The following POLN variants were observed in gnomAD, a reference collection of about 807,000 sequenced individuals.
POLN encodes the protein DNA polymerase nu.
A neutral mutation model predicts 113.5 loss-of-function variants in POLN; 108 were observed. The ratio of observed to expected loss-of-function variants is 0.95; its 90% CI spans 0.81 to 1.12. The LOEUF (loss-of-function observed/expected upper bound fraction) is 1.12, where lower values mean the gene tolerates loss of function less well. Ranked by LOEUF, POLN falls within the 50% of genes most tolerant of loss-of-function variation. The pLI is 0.00. For missense variants in POLN, 1,097 were observed against 1,077.1 expected, an observed-to-expected ratio of 1.02 and a Z score of -0.26; for synonymous variants, 386 against 391.5, an observed-to-expected ratio of 0.99 and a Z score of 0.17.
intron 16 of POLN, among the ~76,000 whole-genome samples, chr4:2,135,525 T>G (rs907376006): frequency 2.6e-5 from 4 of 152,144 alleles, no homozygotes; most frequent in African/African-American, 9.7e-5. Flanking sequence ...TCAGACAGAG[T>G]GCCGTCCCTA....
In POLN at chr4:2,190,491, C is replaced by A. The variant is rs1203383093; in HGVS notation, c.1021+2713G>T. ...CTGGGCAATGATTTTTTTTTTTTTA[C>A]TACAACTTCAAAAGTATAGGCAACA... On this transcript the variant is annotated intron_variant, in intron 7 of 25. Coordinates refer to ENST00000511885, the MANE Select transcript of POLN (RefSeq NM_181808.4). Among the ~76,000 whole-genome samples the A allele has an allele frequency of 5.0e-5, 7 of 140,462 alleles. No individual in the cohort carries two copies. In the South Asian group the frequency reaches 1.1e-3, roughly 22 times the overall value. The allele number at this position is 140,462 out of a possible 152,430, so 92.1% of individuals were successfully genotyped here.
intron 4 of POLN, among the ~76,000 whole-genome samples, chr4:2,211,556 G>A (rs1334849555): frequency 1.3e-5 from 2 of 151,734 alleles, no homozygotes; most frequent in African/African-American, 2.4e-5. Flanking sequence ...TGGGAGGATC[G>A]CTTGAGCCCA....
At chr4:2,134,563 A>G (rs1184653619) in intron 16 of POLN, among the ~76,000 whole-genome samples, 1 of 152,144 alleles carries the variant, frequency 6.6e-6, no homozygotes, top group Non-Finnish European at 1.5e-5. Flanking sequence ...AGTCGTTCTA[A>G]TAGGTATGTA....
intron 2 of POLN, chr4:2,241,132 A>C (rs1734972067): frequency 1.9e-6 from 1 of 515,948 alleles, no homozygotes; most frequent in Admixed American, 3.9e-5. Context: ...CACAAATATG[A>C]CGACAGTGTT....
intron 19 of POLN, among the ~76,000 whole-genome samples, chr4:2,114,641 C>A (rs1396648095): frequency 6.6e-6 from 1 of 152,154 alleles, no homozygotes; most frequent in East Asian, 1.9e-4. Flanking sequence ...CATGATGTGT[C>A]TTTTGTCCTC....
intron 23 of POLN, chr4:2,076,377 C>G (rs1358176588): frequency 1.3e-5 from 2 of 152,384 alleles, no homozygotes; most frequent in East Asian, 1.9e-4. Context: ...GATGATGCCT[C>G]AAATCTTGGT....
intron 13 of POLN, among the ~76,000 whole-genome samples, chr4:2,159,776 C>T (rs1292718489): frequency 6.6e-6 from 1 of 152,146 alleles, no homozygotes; most frequent in Non-Finnish European, 1.5e-5. Context: ...TGTTTCCTGT[C>T]GTTGGTCCAA....
intron 3 of POLN, among the ~76,000 whole-genome samples, chr4:2,223,467 G>A (rs1158996244): frequency 1.3e-5 from 2 of 152,312 alleles, no homozygotes; most frequent in East Asian, 3.9e-4. Flanking sequence ...TCTACCGCCT[G>A]ACGATCTTAG....
chr4:2,083,999 G>A (rs1265072061), intron 21 of POLN, among the ~76,000 whole-genome samples: 1 of 152,226 alleles, frequency 6.6e-6, no homozygotes, highest in East Asian at 1.9e-4. Flanking sequence ...CAAGTGCCCC[G>A]TGGAGAGCAC....
rs181391607 is a variant in POLN at position 2,126,268 on chromosome 4, G to C, written c.1982+1845C>G. 7.9e-5 allele frequency among the ~76,000 whole-genome samples: 12 copies of C among 152,318 alleles called. No individual in the cohort carries two copies. The highest frequency in any genetic ancestry group is 2.6e-4 in the African/African-American group (11 of 41,552). On this transcript the variant is annotated intron_variant, in intron 19 of 25. Transcript: ENST00000511885. This position sits in a 1 kb window ranked among gnomAD's most constrained non-coding sequence, Gnocchi z 4.6. Reference sequence around the variant, plus strand: ...CTACTCCAAAGTCCAGGTGAGTGTAGAGTAACATTCTCAATCCTCTGCTCC... The same window carrying C: ...CTACTCCAAAGTCCAGGTGAGTGTACAGTAACATTCTCAATCCTCTGCTCC...
At chr4:2,095,983 T>G in intron 19 of POLN, 50 bp from the exon 20 acceptor site, 1 of 1,514,182 alleles carries the variant, frequency 6.6e-7, no homozygotes, top group Non-Finnish European at 9.2e-7. Flanking sequence ...GCACTGTCAG[T>G]GCAGGGCAGA....
chr4:2,214,956 G>A (rs1445620297), intron 3 of POLN, among the ~76,000 whole-genome samples: 1 of 150,940 alleles, frequency 6.6e-6, no homozygotes. Flanking sequence ...ATATATGAGA[G>A]ACAGAGTGCT....
At chr4:2,080,870 T>A (rs1328422291) in intron 23 of POLN, 88 bp downstream of exon 23, 41 of 1,605,148 alleles carry the variant, frequency 2.6e-5, no homozygotes, top group Middle Eastern at 3.4e-4. Flanking sequence ...GCAGAGATGG[T>A]GATCATCAGA....
At chr4:2,186,042 A>T (rs1294729385) in intron 7 of POLN, among the ~76,000 whole-genome samples, 2 of 152,184 alleles carry the variant, frequency 1.3e-5, no homozygotes, top group African/African-American at 4.8e-5. Flanking sequence ...AGGATGACAC[A>T]GTTTCCAAGG....
chr4:2,107,398 G>C (rs532615328), intron 19 of POLN, among the ~76,000 whole-genome samples: 34 of 152,238 alleles, frequency 2.2e-4, no homozygotes, highest in Non-Finnish European at 3.5e-4. Context: ...AGTCTCACAG[G>C]GGTGCTTTGG....
chr4:2,204,109 C>CAAAAAAAAAAAAAAAAAA (rs566255148), intron 5 of POLN, among the ~76,000 whole-genome samples: 17 of 53,228 alleles, frequency 3.2e-4, no homozygotes, highest in Non-Finnish European at 4.2e-4. Flanking sequence ...AACTCTATCA[C>CAAAAAAAAAAAAAAAAAA]AAAAAAAAAA....
At position 2,131,258 on chromosome 4, in the gene POLN, C is replaced by T. The variant is rs199604235; in HGVS notation, c.1764G>A (p.Gln588=). Residue 588 remains glutamine, a synonymous_variant, in exon 17 of 26, where the codon CAG becomes CAA. Transcript: ENST00000511885. ...NIQGISKHPI[Q]ITTPKNFKGK... ...CTTTAAAATTCTTAGGTGTAGTAATCTGAATTGGGTGCTTGGAGATACCTT... is the reference window on the plus strand; with the variant it reads ...CTTTAAAATTCTTAGGTGTAGTAATTTGAATTGGGTGCTTGGAGATACCTT... The T allele has an allele frequency of 5.6e-6, 9 of 1,593,702 alleles. No individual in the cohort carries two copies. The highest frequency in any genetic ancestry group is 1.7e-4 in the Middle Eastern group (1 of 6,032).
At chr4:2,106,708 C>A (rs1731074623) in intron 19 of POLN, among the ~76,000 whole-genome samples, 1 of 152,044 alleles carries the variant, frequency 6.6e-6, no homozygotes, top group South Asian at 2.1e-4. Flanking sequence ...TATACATATC[C>A]CAGTAGGTCT....
chr4:2,173,632 A>T (rs1732920423), intron 11 of POLN, among the ~76,000 whole-genome samples: 1 of 151,946 alleles, frequency 6.6e-6, no homozygotes, highest in Non-Finnish European at 1.5e-5. Context: ...ATCTTTACAC[A>T]TCTCTGTATT....
Sources: allele counts gnomAD v4.1 joint callset (sites outside exome capture counted in the v4.1 genomes callset), GRCh38; gene constraint gnomAD v4.1.1; non-coding constraint Gnocchi (gnomAD v3.1); transcripts MANE v1.5; gene names NCBI Gene and HGNC (gene_info 2026-07-23, HGNC 2026-07-21).